Variants in PECAM1 observed in about 807,000 individuals in gnomAD.
The protein encoded by PECAM1 is platelet and endothelial cell adhesion molecule 1.
A neutral mutation model predicts 13.8 loss-of-function variants in PECAM1; 8 were observed. The ratio of observed to expected loss-of-function variants is 0.58; its 90% CI spans 0.34 to 1.05. PECAM1 has a LOEUF of 1.05. Ranked by LOEUF, PECAM1 falls within the 50% of genes least tolerant of loss-of-function variation. The pLI is 0.03. For synonymous variants in PECAM1, 136 were observed against 52.6 expected, an observed-to-expected ratio of 2.58 and a Z score of -6.86; for missense variants, 304 against 141.2, an observed-to-expected ratio of 2.15 and a Z score of -5.84.
rs913710889 is a variant in PECAM1 at position 64,369,771 on chromosome 17, T to C, written c.946A>G (p.Ser316Gly). The C allele has an allele frequency of 7.5e-6, 3 of 398,694 alleles. No individual in the cohort carries two copies. Among genetic ancestry groups the C allele is most frequent in the Middle Eastern group, 1.3e-3 (2 of 1,588 alleles). 24.7% of individuals were successfully genotyped at this position (398,694 alleles called of 1,614,324 possible). ...CTACCTGTTATGTTGACCACGATGCTGCTGACCTTGGATATGCGGCTGGAC... is the reference window on the plus strand; with the variant it reads ...CTACCTGTTATGTTGACCACGATGCCGCTGACCTTGGATATGCGGCTGGAC... ...VESSRISKVSSIVVNITELFS... is the reference protein window; with the variant it reads ...VESSRISKVSGIVVNITELFS... Residue 316 changes from serine to glycine, a missense_variant, in exon 5 of 16, where the codon AGC becomes GGC. By Grantham distance (56) the Ser-to-Gly change is moderately conservative. Transcript: ENST00000563924.
intron 14 of PECAM1, 34 bp downstream of exon 14, chr17:64,341,600 C>T (rs972686750): frequency 4.6e-6 from 2 of 436,996 alleles, no homozygotes; most frequent in Non-Finnish European, 8.3e-6. Flanking sequence ...TAGGGGGCAT[C>T]CCCCAGGCTG....
At chr17:64,383,037 C>T (rs1424209339) in intron 2 of PECAM1, among the ~76,000 whole-genome samples, 3 of 152,038 alleles carry the variant, frequency 2.0e-5, no homozygotes, top group Non-Finnish European at 4.4e-5. Flanking sequence ...TAGACTCCAT[C>T]TCAAAAAAAA....
At chr17:64,386,049 G>T (rs2036585947) in intron 2 of PECAM1, among the ~76,000 whole-genome samples, 1 of 152,222 alleles carries the variant, frequency 6.6e-6, no homozygotes. Context: ...TGAGGCCTGA[G>T]CTAGGCGGGT....
chr17:64,322,703 T>G lies in PECAM1; in HGVS notation c.*1113A>C. The G allele has an allele frequency of 1.0e-6, 1 of 976,034 alleles. No homozygotes were observed. The highest frequency in any genetic ancestry group is 1.2e-4 in the East Asian group (1 of 8,230). The allele number at this position is 976,034 out of a possible 1,614,324, so 60.5% of individuals were successfully genotyped here. On this transcript the variant is annotated 3_prime_UTR_variant, in exon 16 of 16. Coordinates refer to ENST00000563924, the MANE Select transcript of PECAM1 (RefSeq NM_000442.5). ...CTTAAGACCTCAGGAGACCACTTCT[T>G]TAGCAAGCAATTTTGTTTTTTGTTT...
intron 5 of PECAM1, among the ~76,000 whole-genome samples, chr17:64,368,943 T>TA (rs2143842724): frequency 8.7e-6 from 1 of 115,386 alleles, no homozygotes; most frequent in East Asian, 2.5e-4. Flanking sequence ...TTTTTTTTTT[T>TA]TTTTTTTTTT....
At chr17:64,375,423 G>A in intron 3 of PECAM1, 67 bp from the exon 4 acceptor site, 1 of 406,526 alleles carries the variant, frequency 2.5e-6, no homozygotes, top group Non-Finnish European at 4.4e-6. Flanking sequence ...GTATCAGCCT[G>A]ATTGAGAGAC....
chr17:64,371,249 C>G (rs1288397592), intron 4 of PECAM1, among the ~76,000 whole-genome samples: 1 of 152,040 alleles, frequency 6.6e-6, no homozygotes, highest in Non-Finnish European at 1.5e-5. Context: ...CATAAAGAAA[C>G]AGAACAGGTA....
At chr17:64,380,624 A>G (rs1288262581) in intron 2 of PECAM1, among the ~76,000 whole-genome samples, 1 of 152,220 alleles carries the variant, frequency 6.6e-6, no homozygotes, top group Middle Eastern at 3.2e-3. Flanking sequence ...GAGCAGTCCA[A>G]TGTTTAAAAC....
chr17:64,383,377 C>G (rs1482223525), intron 2 of PECAM1, among the ~76,000 whole-genome samples: 1 of 151,994 alleles, frequency 6.6e-6, no homozygotes, highest in Non-Finnish European at 1.5e-5. Flanking sequence ...GTATCTTTAA[C>G]CTAAACAGTG....
chr17:64,390,477 C>T lies in PECAM1; in HGVS notation c.91+12G>A. Reference sequence around the variant, plus strand: ...GTAGAAACATCTGTTACAGTGGAAACATCAGACTTACAGTTTTCTTGACCC... The same window carrying T: ...GTAGAAACATCTGTTACAGTGGAAATATCAGACTTACAGTTTTCTTGACCC... On this transcript the variant is annotated intron_variant, in intron 2 of 15. Coordinates refer to ENST00000563924, the MANE Select transcript of PECAM1 (RefSeq NM_000442.5). 6.3e-6 allele frequency: 3 copies of T among 473,380 alleles called. No homozygotes were observed. 29.3% of individuals were successfully genotyped at this position (473,380 alleles called of 1,614,324 possible).
At chr17:64,345,813 T>G (rs1192817341) in intron 13 of PECAM1, among the ~76,000 whole-genome samples, 1 of 151,612 alleles carries the variant, frequency 6.6e-6, no homozygotes, top group Non-Finnish European at 1.5e-5. Context: ...TTGTGCAGAT[T>G]GGGCAGTACA....
intron 13 of PECAM1, among the ~76,000 whole-genome samples, chr17:64,343,939 C>T (rs946809852): frequency 1.8e-4 from 28 of 152,210 alleles, no homozygotes; most frequent in African/African-American, 6.5e-4. Context: ...GAATCCTAGA[C>T]ACCTAGTGTG....
intron 10 of PECAM1, among the ~76,000 whole-genome samples, 191 bp downstream of exon 10, chr17:64,353,300 C>T (rs977373983): frequency 2.1e-4 from 17 of 79,176 alleles, no homozygotes; most frequent in Admixed American, 2.1e-3. Context: ...CATTCTTCCA[C>T]GGAGGTACAC....
At chr17:64,342,161 A>AAG (rs1555648579) in intron 13 of PECAM1, among the ~76,000 whole-genome samples, 297 of 145,000 alleles carry the variant, frequency 2.0e-3, no homozygotes, top group Middle Eastern at 7.3e-3. Context: ...AAAAAAAAAA[A>AAG]AAGAAGAAGA....
At chr17:64,333,873 G>A (rs1199787739) in intron 14 of PECAM1, among the ~76,000 whole-genome samples, 3 of 148,474 alleles carry the variant, frequency 2.0e-5, no homozygotes, top group Admixed American at 6.9e-5. Context: ...TGCCTGGGGA[G>A]GTGGAGGTTG....
intron 13 of PECAM1, among the ~76,000 whole-genome samples, chr17:64,345,230 G>A (rs2035533784): frequency 6.6e-6 from 1 of 152,162 alleles, no homozygotes; most frequent in Admixed American, 6.5e-5. Context: ...AGCACTTTGG[G>A]AGGCTGAGGT....
At chr17:64,356,963 T>C (rs1221437903) in intron 7 of PECAM1, among the ~76,000 whole-genome samples, 5 of 152,216 alleles carry the variant, frequency 3.3e-5, no homozygotes, top group Non-Finnish European at 7.3e-5. Context: ...TTGAAGAAAC[T>C]GGGAAGGTCA....
chr17:64,370,123 A>G (rs1231926735), intron 4 of PECAM1, 98 bp from the exon 5 acceptor site: 2 of 397,816 alleles, frequency 5.0e-6, no homozygotes, highest in Non-Finnish European at 4.4e-6. Context: ...TCAAACTTCT[A>G]TTGTTCCTAA....
chr17:64,337,786 G>T (rs2035319922), intron 14 of PECAM1, among the ~76,000 whole-genome samples: 1 of 152,130 alleles, frequency 6.6e-6, no homozygotes, highest in Non-Finnish European at 1.5e-5. Flanking sequence ...AGCAGATGAA[G>T]GAAATCAGAA....
Sources: allele counts gnomAD v4.1 joint callset (sites outside exome capture counted in the v4.1 genomes callset), GRCh38; gene constraint gnomAD v4.1.1; transcripts MANE v1.5; gene names NCBI Gene and HGNC (gene_info 2026-07-23, HGNC 2026-07-21).